Variants in SLC24A3 observed in about 807,000 individuals in gnomAD.
The protein encoded by SLC24A3 is sodium/potassium/calcium exchanger 3.
In SLC24A3, 28 loss-of-function variants were observed where a neutral mutation model predicts 75.8. That is an observed-to-expected ratio of 0.37 (90% CI 0.27 to 0.51). The LOEUF is 0.51. Among genes scored for constraint, SLC24A3 ranks in the 20% least tolerant of loss-of-function variants. The pLI is 0.94. For synonymous variants in SLC24A3, 372 were observed against 334.1 expected, an observed-to-expected ratio of 1.11 and a Z score of -1.24; for missense variants, 663 against 847.8, an observed-to-expected ratio of 0.78 and a Z score of 2.71.
chr20:19,653,436 G>A (rs763728635), intron 6 of SLC24A3, among the ~76,000 whole-genome samples: 11 of 152,180 alleles, frequency 7.2e-5, no homozygotes, highest in Non-Finnish European at 1.3e-4. Flanking sequence ...TGCCAGCAAG[G>A]CCAGGCATAT....
intron 2 of SLC24A3, among the ~76,000 whole-genome samples, chr20:19,446,483 T>C (rs1056647040): frequency 3.9e-5 from 6 of 152,256 alleles, no homozygotes; most frequent in African/African-American, 1.2e-4. Context: ...GGATTTATCT[T>C]TGGACTTTTT....
At chr20:19,631,103 G>T (rs1481756506) in intron 6 of SLC24A3, among the ~76,000 whole-genome samples, 1 of 152,140 alleles carries the variant, frequency 6.6e-6, no homozygotes, top group Non-Finnish European at 1.5e-5. Flanking sequence ...TAGCACTTTG[G>T]GAGGCTGAGG....
At chr20:19,481,655 G>C (rs1056455206) in intron 2 of SLC24A3, among the ~76,000 whole-genome samples, 3 of 152,130 alleles carry the variant, frequency 2.0e-5, no homozygotes, top group South Asian at 2.1e-4. Context: ...AGCAGAGTTT[G>C]ATGTTGGCAG....
intron 2 of SLC24A3, among the ~76,000 whole-genome samples, chr20:19,441,468 G>A (rs537425696): frequency 3.9e-5 from 6 of 152,000 alleles, no homozygotes; most frequent in Non-Finnish European, 8.8e-5. Context: ...AGACCTCCAG[G>A]GAACAGAAAT....
In SLC24A3 at chr20:19,480,799, T is replaced by A. The variant is rs1247605333; in HGVS notation, c.272-34689T>A. Among the ~76,000 whole-genome samples, 8 of 152,338 alleles carry A rather than the reference T, an allele frequency of 5.3e-5. No individual in the cohort carries two copies. The East Asian group carries it at 1.5e-3, about 29-fold the overall frequency. ...CTCAATCTAAGAGCTGGGTTTCTTG[T>A]TCATGAATATTTGGGTCCTGGGACA... is the stretch of plus-strand genomic sequence containing the variant. On this transcript the variant is annotated intron_variant, in intron 2 of 16. Transcript: ENST00000328041.
chr20:19,282,177 T>C (rs1424794496), intron 2 of SLC24A3, among the ~76,000 whole-genome samples: 2 of 152,162 alleles, frequency 1.3e-5, no homozygotes, highest in African/African-American at 2.4e-5. Context: ...CTGCGATCTA[T>C]TGGGAAGATG....
At chr20:19,412,951 T>A (rs897256913) in intron 2 of SLC24A3, among the ~76,000 whole-genome samples, 2 of 152,168 alleles carry the variant, frequency 1.3e-5, no homozygotes, top group Non-Finnish European at 2.9e-5. Flanking sequence ...TAGTTCAAAG[T>A]GGGAAGAGTG....
chr20:19,387,153 T>C (rs1381799060), intron 2 of SLC24A3, among the ~76,000 whole-genome samples: 1 of 152,152 alleles, frequency 6.6e-6, no homozygotes, highest in Non-Finnish European at 1.5e-5. Context: ...CTGTAGTCTC[T>C]TATGATCCTT....
rs551614619 is a variant in SLC24A3 at position 19,382,000 on chromosome 20, GA to G, written c.271+100916del. Reference sequence around the variant, plus strand: ...AAATGGAGCCACTCAAATGGCATTTGAAATGTCTGCTCTGAATTCGACAGAT... The same window carrying G: ...AAATGGAGCCACTCAAATGGCATTTGAATGTCTGCTCTGAATTCGACAGAT... On this transcript the variant is annotated intron_variant, in intron 2 of 16. Coordinates refer to ENST00000328041, the MANE Select transcript of SLC24A3 (RefSeq NM_020689.4). 3.1e-4 allele frequency among the ~76,000 whole-genome samples: 47 copies of G among 152,312 alleles called. 1 individual carries two copies. The highest frequency in any genetic ancestry group is 2.7e-3 in the Admixed American group (42 of 15,298).
chr20:19,249,837 A>G (rs951691194), intron 1 of SLC24A3, among the ~76,000 whole-genome samples: 2 of 152,242 alleles, frequency 1.3e-5, no homozygotes, highest in African/African-American at 4.8e-5. Context: ...TAGCAATTAC[A>G]GTTAATATAC....
At chr20:19,261,365 G>T (rs1427947616) in intron 1 of SLC24A3, among the ~76,000 whole-genome samples, 1 of 152,084 alleles carries the variant, frequency 6.6e-6, no homozygotes, top group Non-Finnish European at 1.5e-5. Flanking sequence ...TAGAGACAAG[G>T]TCTCACTCTC....
intron 2 of SLC24A3, among the ~76,000 whole-genome samples, chr20:19,360,094 C>A (rs2122338544): frequency 6.6e-6 from 1 of 152,276 alleles, no homozygotes; most frequent in South Asian, 2.1e-4. Context: ...ACTGGGGAGA[C>A]CTCCAACAGT....
At chr20:19,326,677 A>G (rs1446855094) in intron 2 of SLC24A3, among the ~76,000 whole-genome samples, 1 of 151,216 alleles carries the variant, frequency 6.6e-6, no homozygotes, top group African/African-American at 2.4e-5. Context: ...TTCCAGGCTC[A>G]AGAGATTCTC....
intron 2 of SLC24A3, among the ~76,000 whole-genome samples, chr20:19,501,727 G>T (rs1438564698): frequency 2.6e-5 from 4 of 152,130 alleles, no homozygotes; most frequent in Non-Finnish European, 5.9e-5. Flanking sequence ...TGAGAGCTTT[G>T]GAAGGCTGCA....
chr20:19,658,042 A>G, intron 7 of SLC24A3, among the ~76,000 whole-genome samples: 1 of 152,152 alleles, frequency 6.6e-6, no homozygotes, highest in East Asian at 1.9e-4. Context: ...GAAGGCGTGT[A>G]ACTGTCGGTG....
chr20:19,621,469 G>A (rs1056152217), intron 6 of SLC24A3, among the ~76,000 whole-genome samples: 1 of 152,162 alleles, frequency 6.6e-6, no homozygotes, highest in Non-Finnish European at 1.5e-5. Context: ...GAACCCTCTT[G>A]ACCCTCTTGG....
intron 1 of SLC24A3, among the ~76,000 whole-genome samples, chr20:19,225,636 C>T (rs912445313): frequency 1.3e-5 from 2 of 152,102 alleles, no homozygotes; most frequent in African/African-American, 4.8e-5. Flanking sequence ...GATGTGTTTT[C>T]TGTTACTATA....
At chr20:19,719,555 C>T (rs529290657) in intron 16 of SLC24A3, among the ~76,000 whole-genome samples, 11 of 151,638 alleles carry the variant, frequency 7.3e-5, no homozygotes, top group East Asian at 2.0e-4. Flanking sequence ...AAGTGAGTGT[C>T]GGAGATTGGA....
In SLC24A3 at chr20:19,487,634, C is replaced by T. The variant is rs1478379977; in HGVS notation, c.272-27854C>T. Among the ~76,000 whole-genome samples, 4 of 152,264 alleles carry T rather than the reference C, an allele frequency of 2.6e-5. No homozygotes were observed. In the South Asian group the frequency reaches 6.2e-4, roughly 24 times the overall value. ...ATCCCAGCTTATTGCACAATAATAT[C>T]AGTACTAGATGATATCAAGAAATTC... On this transcript the variant is annotated intron_variant, in intron 2 of 16. Transcript: ENST00000328041.
Sources: allele counts gnomAD v4.1 joint callset (sites outside exome capture counted in the v4.1 genomes callset), GRCh38; gene constraint gnomAD v4.1.1; transcripts MANE v1.5; gene names NCBI Gene and HGNC (gene_info 2026-07-23, HGNC 2026-07-21).